PTPRN2: variants seen among roughly 807,000 people sequenced by gnomAD.
PTPRN2 encodes the protein protein tyrosine phosphatase receptor type N2, also known as receptor-type tyrosine-protein phosphatase N2.
PTPRN2 carries 74 observed loss-of-function variants against 118.8 expected under a neutral mutation model. The observed-to-expected ratio is 0.62, with a 90% CI of 0.52 to 0.76. PTPRN2 has a LOEUF of 0.76. Among genes scored for constraint, PTPRN2 ranks in the 30% least tolerant of loss-of-function variants. The pLI is 0.00. For missense variants in PTPRN2, 1,481 were observed against 1,394.4 expected (o/e 1.06, Z -0.99); for synonymous variants, 641 against 608.0 (o/e 1.05, Z -0.80).
intron 11 of PTPRN2, among the ~76,000 whole-genome samples, chr7:157,937,179 G>A (rs898341085): frequency 1.4e-4 from 21 of 152,194 alleles, no homozygotes; most frequent in Admixed American, 1.1e-3. Context: ...GGAACTTGCC[G>A]TGAGCATGGC....
intron 12 of PTPRN2, among the ~76,000 whole-genome samples, chr7:157,805,605 T>G (rs552699105): frequency 3.9e-5 from 6 of 152,280 alleles, no homozygotes; most frequent in African/African-American, 1.4e-4. Context: ...TGTCGTTATG[T>G]CTAGTGTCAG....
At chr7:158,144,689 G>A (rs542214369) in intron 6 of PTPRN2, among the ~76,000 whole-genome samples, 43 of 152,270 alleles carry the variant, frequency 2.8e-4, no homozygotes, top group Admixed American at 1.3e-4. Flanking sequence ...GGGGTGGAGC[G>A]CTCACCCTCT....
Position 157,868,199 on chromosome 7 carries a change from C to T in PTPRN2, c.1788+30474G>A, listed in dbSNP as rs1181326007. On this transcript the variant is annotated intron_variant, in intron 12 of 22. Transcript: ENST00000389418. This position sits in a 1 kb window ranked among gnomAD's most constrained non-coding sequence, Gnocchi z 5.2. ...GGAAGGGTTCCTTTCCCGATGGCTCCGACAGCCCAGTGGTGCACCTACAAC... is the reference window on the plus strand; with the variant it reads ...GGAAGGGTTCCTTTCCCGATGGCTCTGACAGCCCAGTGGTGCACCTACAAC... 2.0e-5 allele frequency among the ~76,000 whole-genome samples: 3 copies of T among 152,220 alleles called. No homozygotes were observed. Among genetic ancestry groups the T allele is most frequent in the East Asian group, 3.9e-4 (2 of 5,194 alleles).
At chr7:158,505,881 C>A (rs1267349070) in intron 1 of PTPRN2, among the ~76,000 whole-genome samples, 1 of 152,208 alleles carries the variant, frequency 6.6e-6, no homozygotes. Flanking sequence ...AGCAGGCATC[C>A]AGTAATCCCA....
At chr7:158,065,964 C>T (rs893065373) in intron 11 of PTPRN2, among the ~76,000 whole-genome samples, 1 of 152,200 alleles carries the variant, frequency 6.6e-6, no homozygotes, top group Non-Finnish European at 1.5e-5. Context: ...CAAAGAGTTT[C>T]GTTCAGGGAA....
intron 21 of PTPRN2, among the ~76,000 whole-genome samples, chr7:157,562,515 T>G (rs543031515): frequency 2.3e-4 from 35 of 152,318 alleles, no homozygotes; most frequent in African/African-American, 6.0e-4. Context: ...TTTTAGTGAC[T>G]CTAAGGAACC....
At chr7:158,561,452 AG>A (rs35028469) in intron 1 of PTPRN2, among the ~76,000 whole-genome samples, 1 of 152,244 alleles carries the variant, frequency 6.6e-6, no homozygotes, top group Non-Finnish European at 1.5e-5. Context: ...ACCAAATACA[AG>A]GAATTTTTTA....
At chr7:157,848,512 G>A (rs888377871) in intron 12 of PTPRN2, among the ~76,000 whole-genome samples, 1 of 152,224 alleles carries the variant, frequency 6.6e-6, no homozygotes, top group African/African-American at 2.4e-5. Flanking sequence ...TCTGTCATGT[G>A]TGCCCGATAT....
At chr7:158,304,606 G>GATTTCTACATGCTAGGGAGGCA (rs1801144910) in intron 3 of PTPRN2, among the ~76,000 whole-genome samples, 1 of 152,240 alleles carries the variant, frequency 6.6e-6, no homozygotes, top group African/African-American at 2.4e-5. Context: ...CACAGGCTTG[G>GATTTCTACATGCTAGGGAGGCA]TCCAGAAAGA....
chr7:158,469,359 T>G (rs959710593), intron 2 of PTPRN2, among the ~76,000 whole-genome samples: 5 of 152,112 alleles, frequency 3.3e-5, no homozygotes, highest in African/African-American at 1.2e-4. Context: ...CAGAATCGTT[T>G]GAACCCCAGG....
At chr7:158,108,756 C>G (rs1027617283) in intron 10 of PTPRN2, among the ~76,000 whole-genome samples, 9 of 152,216 alleles carry the variant, frequency 5.9e-5, no homozygotes, top group African/African-American at 2.2e-4. Flanking sequence ...TGCTAATGAC[C>G]CATACACTCT....
intron 13 of PTPRN2, among the ~76,000 whole-genome samples, chr7:157,659,173 G>A (rs1005955438): frequency 4.0e-5 from 6 of 151,554 alleles, no homozygotes; most frequent in African/African-American, 1.2e-4. Flanking sequence ...TCTCTGCTTC[G>A]GACTCATAGC....
rs538678406 is a variant in PTPRN2 at position 157,942,891 on chromosome 7, C to T, written c.1724-44154G>A. Among the ~76,000 whole-genome samples, 3 of 152,324 alleles carry T rather than the reference C, an allele frequency of 2.0e-5. No homozygotes were observed. The East Asian group carries it at 5.8e-4, about 29-fold the overall frequency. On this transcript the variant is annotated intron_variant, in intron 11 of 22. Transcript: ENST00000389418. ...ATCTGCGTAGCCTGAATCACTGTGG[C>T]CTAACTGGGCCCTGGGTCTCCATGC... is the stretch of plus-strand genomic sequence containing the variant.
chr7:157,693,934 C>G (rs1797647946), intron 12 of PTPRN2, among the ~76,000 whole-genome samples: 1 of 152,248 alleles, frequency 6.6e-6, no homozygotes, highest in Non-Finnish European at 1.5e-5. Flanking sequence ...CCGCACGCGG[C>G]CACCCTGGGC....
chr7:158,489,725 C>G lies in PTPRN2; in HGVS notation c.163+10G>C, dbSNP rs1821301310. 1 of 1,576,092 alleles carries G rather than the reference C, an allele frequency of 6.3e-7. No individual in the cohort carries two copies. Among genetic ancestry groups the G allele is most frequent in the Non-Finnish European group, 8.6e-7 (1 of 1,162,406 alleles). On this transcript the variant is annotated intron_variant, in intron 2 of 22. Coordinates refer to ENST00000389418, the MANE Select transcript of PTPRN2 (RefSeq NM_002847.5). ...AGACCAGGGCGCAGCAGCCAGGACC[C>G]CACACTCACCGTTCACACAGGCCTC...
intron 17 of PTPRN2, among the ~76,000 whole-genome samples, chr7:157,581,080 C>T (rs1248777232): frequency 1.1e-4 from 16 of 145,110 alleles, no homozygotes; most frequent in African/African-American, 1.8e-4. Flanking sequence ...CCTGCACACC[C>T]GAGCCCCTGC....
intron 2 of PTPRN2, among the ~76,000 whole-genome samples, chr7:158,458,606 G>A (rs983314398): frequency 4.6e-5 from 7 of 152,094 alleles, no homozygotes; most frequent in East Asian, 3.8e-4. Context: ...CCTCTCGTGC[G>A]GTCTCCCAAC....
intron 11 of PTPRN2, among the ~76,000 whole-genome samples, chr7:157,907,808 G>C (rs1298250087): frequency 6.6e-6 from 1 of 152,118 alleles, no homozygotes; most frequent in Non-Finnish European, 1.5e-5. Context: ...GCTGTGTTCA[G>C]TCCTCAGGCC....
At chr7:158,569,451 C>A (rs1827847615) in intron 1 of PTPRN2, among the ~76,000 whole-genome samples, 1 of 152,270 alleles carries the variant, frequency 6.6e-6, no homozygotes, top group African/African-American at 2.4e-5. Flanking sequence ...ACACCCTCCC[C>A]GGGACGTCAC....
Sources: allele counts gnomAD v4.1 joint callset (sites outside exome capture counted in the v4.1 genomes callset), GRCh38; gene constraint gnomAD v4.1.1; non-coding constraint Gnocchi (gnomAD v3.1); transcripts MANE v1.5; gene names NCBI Gene and HGNC (gene_info 2026-07-23, HGNC 2026-07-21).